The following DCAF17 variants were observed in gnomAD, a reference collection of about 807,000 sequenced individuals.
DCAF17 encodes DDB1- and CUL4-associated factor 17.
Under a neutral mutation model 66.0 loss-of-function variants are expected in DCAF17, and 48 were observed. That is an observed-to-expected ratio of 0.73 (90% confidence interval 0.58 to 0.92). The LOEUF (loss-of-function observed/expected upper bound fraction) is 0.92. DCAF17 is among the 40% of genes least tolerant of loss of function. The pLI, the probability that DCAF17 is intolerant of heterozygous loss-of-function variation, is 0.00. For missense variants in DCAF17, 562 were observed against 622.8 expected, an observed-to-expected ratio of 0.90 and a Z score of 1.04; for synonymous variants, 206 against 214.6, an observed-to-expected ratio of 0.96 and a Z score of 0.35.
chr2:171,456,391 T>G (rs1029503070), intron 6 of DCAF17, among the ~76,000 whole-genome samples: 2 of 152,240 alleles, frequency 1.3e-5, no homozygotes, highest in African/African-American at 4.8e-5. Flanking sequence ...CATGCTGTTT[T>G]GGTTACTGTA....
At chr2:171,466,879 T>C (rs1336389170) in intron 8 of DCAF17, among the ~76,000 whole-genome samples, 2 of 152,062 alleles carry the variant, frequency 1.3e-5, no homozygotes, top group Non-Finnish European at 2.9e-5. Flanking sequence ...TAATAATTTT[T>C]CTCTTCTTCA....
At chr2:171,474,223 C>G (rs555071998) in intron 10 of DCAF17, 29 of 502,104 alleles carry the variant, frequency 5.8e-5, no homozygotes, top group African/African-American at 4.8e-4. Context: ...GAATTACAGA[C>G]TGGCCCTTTC....
intron 9 of DCAF17, among the ~76,000 whole-genome samples, chr2:171,471,388 G>A (rs1034051657): frequency 1.2e-4 from 19 of 152,084 alleles, no homozygotes; most frequent in Admixed American, 1.2e-3. Context: ...AACAATAGAA[G>A]CTGATAATAA....
At chr2:171,454,276 T>C (rs1487211548) in intron 6 of DCAF17, among the ~76,000 whole-genome samples, 1 of 151,816 alleles carries the variant, frequency 6.6e-6, no homozygotes, top group Non-Finnish European at 1.5e-5. Context: ...GCAGTCATTA[T>C]TATTATTATT....
At position 171,447,194 on chromosome 2, in the gene DCAF17, C is replaced by CA. The variant is rs951794409; in HGVS notation, c.322-1477dup. Among the ~76,000 whole-genome samples, 474 of 140,772 alleles carry CA rather than the reference C, an allele frequency of 3.4e-3. 3 individuals are homozygous for CA. Among genetic ancestry groups the CA allele is most frequent in the African/African-American group, 8.2e-3 (313 of 38,328 alleles). 92.4% of individuals were successfully genotyped at this position (140,772 alleles called of 152,430 possible). A position where few individuals can be genotyped will look rare whatever the true frequency, so the allele number is the denominator to read the frequency against. ...TGTTATTCAATTATATGTAGTCATACAAAAAAAAAACACTAGCATACAAAC... is the reference window on the plus strand; with the variant it reads ...TGTTATTCAATTATATGTAGTCATACAAAAAAAAAAACACTAGCATACAAAC... On this transcript the variant is annotated intron_variant, in intron 3 of 13. Coordinates refer to ENST00000375255, the MANE Select transcript of DCAF17 (RefSeq NM_025000.4).
At chr2:171,457,195 A>G (rs1189408092) in intron 6 of DCAF17, among the ~76,000 whole-genome samples, 3 of 152,228 alleles carry the variant, frequency 2.0e-5, no homozygotes, top group Admixed American at 1.3e-4. Flanking sequence ...ACAACTCATA[A>G]TTTAATTGTT....
At chr2:171,451,161 T>C (rs1320659946) in intron 5 of DCAF17, among the ~76,000 whole-genome samples, 1 of 152,100 alleles carries the variant, frequency 6.6e-6, no homozygotes, top group African/African-American at 2.4e-5. Context: ...TGAACTCTGC[T>C]TTTCATTCCT....
chr2:171,449,277 G>C (rs1237429854), intron 4 of DCAF17, among the ~76,000 whole-genome samples: 1 of 152,088 alleles, frequency 6.6e-6, no homozygotes, highest in African/African-American at 2.4e-5. Context: ...TAAAGTTCTG[G>C]GATTACAGGC....
Position 171,482,722 on chromosome 2 carries a change from T to A in DCAF17, c.*1608T>A, listed in dbSNP as rs1468318083. The A allele has an allele frequency of 2.2e-6, 1 of 452,682 alleles. No individual in the cohort carries two copies. The highest frequency in any genetic ancestry group is 6.9e-5 in the East Asian group (1 of 14,398). The allele number at this position is 452,682 out of a possible 1,614,324, so 28.0% of individuals were successfully genotyped here. ...CTCCTTCTCCTTTAAGTCATCACCT[T>A]CCTTTTATGAAATGATAGTAAGGAA... On this transcript the variant is annotated 3_prime_UTR_variant, in exon 14 of 14. Coordinates refer to ENST00000375255, the MANE Select transcript of DCAF17 (RefSeq NM_025000.4).
Position 171,442,476 on chromosome 2 carries a change from A to C in DCAF17, c.231-1047A>C, listed in dbSNP as rs138741477. 3.8e-4 allele frequency among the ~76,000 whole-genome samples: 57 copies of C among 151,346 alleles called. No individual in the cohort carries two copies. In the East Asian group the frequency reaches 0.01, roughly 27 times the overall value. ...CTACTCAGGAGGCTGAGGCAGGAGAATCGCTTGAACCTGGGAAGCGGAGGT... is the reference window on the plus strand; with the variant it reads ...CTACTCAGGAGGCTGAGGCAGGAGACTCGCTTGAACCTGGGAAGCGGAGGT... On this transcript the variant is annotated intron_variant, in intron 2 of 13. Coordinates refer to ENST00000375255, the MANE Select transcript of DCAF17 (RefSeq NM_025000.4).
intron 8 of DCAF17, among the ~76,000 whole-genome samples, chr2:171,466,576 C>A (rs1488123371): frequency 7.7e-6 from 1 of 130,566 alleles, no homozygotes. Flanking sequence ...AATTTTTAGG[C>A]CTTTTTCATT....
chr2:171,446,411 T>C lies in DCAF17; in HGVS notation c.322-2270T>C, dbSNP rs1014227807. ...AAATACAAAAATTAGCCAGGTGTGG[T>C]GGCACGCACCTGTAATCCCAGATAC... On this transcript the variant is annotated intron_variant, in intron 3 of 13. Coordinates refer to ENST00000375255, the MANE Select transcript of DCAF17 (RefSeq NM_025000.4). 1.4e-4 allele frequency among the ~76,000 whole-genome samples: 22 copies of C among 152,206 alleles called. No homozygotes were observed. In the South Asian group the frequency reaches 4.6e-3, roughly 32 times the overall value.
intron 12 of DCAF17, among the ~76,000 whole-genome samples, chr2:171,478,758 A>T (rs1159661742): frequency 6.6e-6 from 1 of 152,306 alleles, no homozygotes; most frequent in East Asian, 1.9e-4. Flanking sequence ...ACTTCTTTTA[A>T]AATAGGTTAG....
At chr2:171,444,637 G>A (rs1007131867) in intron 3 of DCAF17, among the ~76,000 whole-genome samples, 1 of 152,080 alleles carries the variant, frequency 6.6e-6, no homozygotes, top group Admixed American at 6.6e-5. Flanking sequence ...AGGGATAATC[G>A]ACCTGTATTT....
At chr2:171,460,472 A>G (rs563582079) in intron 8 of DCAF17, among the ~76,000 whole-genome samples, 12 of 151,804 alleles carry the variant, frequency 7.9e-5, no homozygotes, top group Admixed American at 4.6e-4. Context: ...GCTGACTAGT[A>G]AGGGTGACAC....
In DCAF17 at chr2:171,484,773, A is replaced by G; in HGVS notation, c.*3659A>G. 2.2e-6 allele frequency: 1 copy of G among 453,794 alleles called. No individual in the cohort carries two copies. The highest frequency in any genetic ancestry group is 4.4e-6 in the Non-Finnish European group (1 of 226,752). The allele number at this position is 453,794 out of a possible 1,614,324, so 28.1% of individuals were successfully genotyped here. ...CCCTCCCCACCCCTCAGGTATAACT[A>G]CTGTTCTCATTCTTTTATATCAAAG... On this transcript the variant is annotated 3_prime_UTR_variant, in exon 14 of 14. Coordinates refer to ENST00000375255, the MANE Select transcript of DCAF17 (RefSeq NM_025000.4).
chr2:171,444,853 T>A (rs1214126636), intron 3 of DCAF17, among the ~76,000 whole-genome samples: 1 of 152,210 alleles, frequency 6.6e-6, no homozygotes, highest in Non-Finnish European at 1.5e-5. Context: ...ACATAAAGTT[T>A]TAGTTTTCTG....
chr2:171,445,773 C>T (rs904840423), intron 3 of DCAF17, among the ~76,000 whole-genome samples: 2 of 152,134 alleles, frequency 1.3e-5, no homozygotes, highest in Non-Finnish European at 2.9e-5. Context: ...GCCTCTACCT[C>T]CTGGGCTCAG....
intron 8 of DCAF17, among the ~76,000 whole-genome samples, chr2:171,461,862 G>A (rs138997216): frequency 2.6e-3 from 393 of 152,076 alleles, no homozygotes; most frequent in African/African-American, 8.5e-3. Flanking sequence ...TTTTTTCACA[G>A]TAGATTAAAT....
Sources: allele counts gnomAD v4.1 joint callset (sites outside exome capture counted in the v4.1 genomes callset), GRCh38; gene constraint gnomAD v4.1.1; transcripts MANE v1.5; gene names NCBI Gene and HGNC (gene_info 2026-07-23, HGNC 2026-07-21).